The following RFWD3 variants were observed in gnomAD, a reference collection of about 807,000 sequenced individuals.
RFWD3 encodes E3 ubiquitin-protein ligase RFWD3.
A neutral mutation model predicts 87.7 loss-of-function variants in RFWD3; 65 were observed. The ratio of observed to expected loss-of-function variants is 0.74; its 90% CI spans 0.61 to 0.91. The LOEUF is 0.91. Among genes scored for constraint, RFWD3 ranks in the 40% least tolerant of loss-of-function variants. The pLI, the probability that RFWD3 is intolerant of heterozygous loss-of-function variation, is 0.00. For synonymous variants in RFWD3, 433 were observed against 352.8 expected (o/e 1.23, Z -2.55); for missense variants, 1,078 against 938.5 (o/e 1.15, Z -1.94).
At chr16:74,641,580 G>T (rs1959649953) in intron 6 of RFWD3, among the ~76,000 whole-genome samples, 1 of 152,042 alleles carries the variant, frequency 6.6e-6, no homozygotes, top group Non-Finnish European at 1.5e-5. Flanking sequence ...AAGCAAAAAA[G>T]CAAGCTACAG....
chr16:74,631,038 G>A (rs1021007378), intron 9 of RFWD3, 81 bp from the exon 10 acceptor site: 26 of 1,285,696 alleles, frequency 2.0e-5, no homozygotes, highest in Non-Finnish European at 2.7e-5. Flanking sequence ...TCATTTAAAT[G>A]ATCATTAATC....
Position 74,634,708 on chromosome 16 carries a change from T to C in RFWD3, c.1426+1638A>G, listed in dbSNP as rs753376265. Among the ~76,000 whole-genome samples the C allele has an allele frequency of 4.0e-5, 6 of 151,020 alleles. No individual in the cohort carries two copies. In the South Asian group the frequency reaches 6.3e-4, roughly 16 times the overall value. On this transcript the variant is annotated intron_variant, in intron 8 of 12. Transcript: ENST00000361070. ...CCACTTGAGTTAAATTCTTTAAAAA[T>C]ACGTCAAATCCTAGATTCAAGATAG...
chr16:74,624,926 C>T (rs1406563494), intron 12 of RFWD3, among the ~76,000 whole-genome samples: 1 of 152,114 alleles, frequency 6.6e-6, no homozygotes, highest in Admixed American at 6.5e-5. Context: ...GAGTTTGAGG[C>T]TACAGTGAAC....
chr16:74,658,572 G>A (rs1216188613), intron 2 of RFWD3, among the ~76,000 whole-genome samples: 1 of 152,132 alleles, frequency 6.6e-6, no homozygotes, highest in African/African-American at 2.4e-5. Context: ...TCCTGGGAAA[G>A]GTCATACTTC....
intron 10 of RFWD3, 53 bp downstream of exon 10, chr16:74,630,728 A>T (rs566595666): frequency 1.3e-6 from 2 of 1,488,406 alleles, no homozygotes; most frequent in East Asian, 4.8e-5. Context: ...TTAACACAAT[A>T]ATAAGCCAAG....
At chr16:74,648,883 C>T (rs75820229) in intron 4 of RFWD3, among the ~76,000 whole-genome samples, 5,458 of 151,890 alleles carry the variant, frequency 0.036, 118 homozygotes, top group Non-Finnish European at 0.058. Context: ...CCCAGGAGTT[C>T]GAAACCAACT....
chr16:74,636,720 GT>G (rs1004168279), intron 7 of RFWD3, 143 bp from the exon 8 acceptor site: 3,524 of 539,862 alleles, frequency 6.5e-3, no homozygotes, highest in East Asian at 9.0e-3. Flanking sequence ...CAGAGTTTTT[GT>G]TTTTTTTTTT....
chr16:74,623,914 T>C lies in RFWD3; in HGVS notation c.*14A>G. On this transcript the variant is annotated 3_prime_UTR_variant, in exon 13 of 13. Coordinates refer to ENST00000361070, the MANE Select transcript of RFWD3 (RefSeq NM_018124.4). ...TCTAACCAGCAGCATGCCTTCAAGGTTTCGAGACCACAGTCACTCCCACTT... is the reference window on the plus strand; with the variant it reads ...TCTAACCAGCAGCATGCCTTCAAGGCTTCGAGACCACAGTCACTCCCACTT... 6.2e-7 allele frequency: 1 copy of C among 1,613,582 alleles called. No individual in the cohort carries two copies. The highest frequency in any genetic ancestry group is 8.5e-7 in the Non-Finnish European group (1 of 1,179,738).
chr16:74,626,673 CA>C (rs373068828), intron 11 of RFWD3, 119 bp from the exon 12 acceptor site: 17 of 687,450 alleles, frequency 2.5e-5, no homozygotes, highest in African/African-American at 2.0e-4. Flanking sequence ...TGCATTAAAC[CA>C]TCAAGAACAG....
chr16:74,655,058 T>C (rs1960856513), intron 2 of RFWD3, among the ~76,000 whole-genome samples: 1 of 152,208 alleles, frequency 6.6e-6, no homozygotes. Context: ...AATATCTAGC[T>C]AAGACAATTG....
At position 74,666,809 on chromosome 16, in the gene RFWD3, G is replaced by A. The variant is rs2144408402; in HGVS notation, c.-26C>T. 6.6e-6 allele frequency: 1 copy of A among 152,566 alleles called. No individual in the cohort carries two copies. The highest frequency in any genetic ancestry group is 2.4e-5 in the African/African-American group (1 of 41,592). 9.5% of individuals were successfully genotyped at this position (152,566 alleles called of 1,614,324 possible). ...ACCTGAAACCAGCAGGCCGCGGCCGGGCTCGCGAGCCCGCCGAAGACTCGG... is the reference window on the plus strand; with the variant it reads ...ACCTGAAACCAGCAGGCCGCGGCCGAGCTCGCGAGCCCGCCGAAGACTCGG... On this transcript the variant is annotated 5_prime_UTR_variant, in exon 1 of 13. Coordinates refer to ENST00000361070, the MANE Select transcript of RFWD3 (RefSeq NM_018124.4).
chr16:74,644,346 T>C lies in RFWD3; in HGVS notation c.1079+16A>G, dbSNP rs1597436700. ...CAAAAGGGAACATTCCAGCCAGGCA[T>C]ACTCTTACCACCTACCTTTTCATGC... On this transcript the variant is annotated intron_variant, in intron 6 of 12. Transcript: ENST00000361070. 2 of 1,612,794 alleles carry C rather than the reference T, an allele frequency of 1.2e-6. No homozygotes were observed. The highest frequency in any genetic ancestry group is 1.3e-5 in the African/African-American group (1 of 74,894).
At position 74,636,551 on chromosome 16, in the gene RFWD3, T is replaced by A; in HGVS notation, c.1221A>T (p.Gln407His). The A allele has an allele frequency of 1.9e-6, 3 of 1,613,874 alleles. No individual in the cohort carries two copies. The highest frequency in any genetic ancestry group is 2.5e-6 in the Non-Finnish European group (3 of 1,180,004). Residue 407 changes from glutamine to histidine, a missense_variant, in exon 8 of 13, where the codon CAA (glutamine) becomes CAT (histidine). By Grantham distance (24) the Gln-to-His change is conservative. Coordinates refer to ENST00000361070, the MANE Select transcript of RFWD3 (RefSeq NM_018124.4). ...VQDLQKLTSH[Q>H]SQNLQQPRGS... The stretch of plus-strand genomic sequence containing the variant: ...CCCTGGGTTGCTGTAAATTCTGACT[T>A]TGATGTGACGTAAGTTTTTGCAAGT...
intron 12 of RFWD3, among the ~76,000 whole-genome samples, chr16:74,625,377 C>T (rs534543002): frequency 6.6e-5 from 10 of 151,574 alleles, no homozygotes; most frequent in Non-Finnish European, 1.3e-4. Context: ...ACAAATTAGC[C>T]GGGTATGGTT....
chr16:74,629,791 G>A (rs1959036894), intron 10 of RFWD3, among the ~76,000 whole-genome samples: 1 of 152,040 alleles, frequency 6.6e-6, no homozygotes, highest in African/African-American at 2.4e-5. Context: ...TATCCAGTTG[G>A]AAACATAAAT....
chr16:74,635,052 G>A (rs1036704269), intron 8 of RFWD3, among the ~76,000 whole-genome samples: 8 of 152,120 alleles, frequency 5.3e-5, no homozygotes, highest in Admixed American at 2.6e-4. Context: ...AGGCCGAGGC[G>A]GGCGGATCAT....
chr16:74,655,694 G>C (rs1011824672), intron 2 of RFWD3, among the ~76,000 whole-genome samples: 1 of 147,358 alleles, frequency 6.8e-6, no homozygotes, highest in Non-Finnish European at 1.5e-5. Flanking sequence ...TGGCTAATTT[G>C]TTGTATTTTT....
At chr16:74,634,981 C>T (rs1959181795) in intron 8 of RFWD3, among the ~76,000 whole-genome samples, 1 of 151,876 alleles carries the variant, frequency 6.6e-6, no homozygotes, top group Non-Finnish European at 1.5e-5. Context: ...ATTTCAAATA[C>T]AAAAATTAAC....
At chr16:74,632,854 G>T in intron 8 of RFWD3, 181 bp from the exon 9 acceptor site, 1 of 574,406 alleles carries the variant, frequency 1.7e-6, no homozygotes, top group Non-Finnish European at 3.1e-6. Context: ...AGTTGGCCAG[G>T]CTGGAATGCA....
Sources: allele counts gnomAD v4.1 joint callset (sites outside exome capture counted in the v4.1 genomes callset), GRCh38; gene constraint gnomAD v4.1.1; transcripts MANE v1.5; gene names NCBI Gene and HGNC (gene_info 2026-07-23, HGNC 2026-07-21).